The following DNAH11 variants were observed in gnomAD, a reference collection of about 807,000 sequenced individuals.
DNAH11 encodes the protein axonemal beta dynein heavy chain 11.
Under a neutral mutation model 526.0 loss-of-function variants are expected in DNAH11, and 442 were observed. That is an observed-to-expected ratio of 0.84 (90% CI 0.78 to 0.91). The LOEUF is 0.91. Ranked by LOEUF, DNAH11 falls within the 40% of genes least tolerant of loss-of-function variation. The pLI, the probability that DNAH11 is intolerant of heterozygous loss-of-function variation, is 0.00. For missense variants in DNAH11, 6,989 were observed against 5,448.7 expected (o/e 1.28, Z -8.90); for synonymous variants, 2,461 against 1,935.9 (o/e 1.27, Z -7.12).
In DNAH11 at chr7:21,558,782, C is replaced by G. The variant is rs984692538; in HGVS notation, c.496-20C>G. Reference sequence around the variant, plus strand: ...ATGCATTGTCTGTAAATTAATTTAACTATGTTTCTCTTTCTCTAGATTTTA... The same window carrying G: ...ATGCATTGTCTGTAAATTAATTTAAGTATGTTTCTCTTTCTCTAGATTTTA... On this transcript the variant is annotated intron_variant, in intron 2 of 81. Coordinates refer to ENST00000409508, the MANE Select transcript of DNAH11 (RefSeq NM_001277115.2). 2 of 1,536,806 alleles carry G rather than the reference C, an allele frequency of 1.3e-6. No individual in the cohort carries two copies. The highest frequency in any genetic ancestry group is 1.8e-6 in the Non-Finnish European group (2 of 1,141,996).
rs182185747 is a variant in DNAH11 at position 21,652,971 on chromosome 7, G to T, written c.4945-2861G>T. Among the ~76,000 whole-genome samples the T allele has an allele frequency of 8.2e-3, 1,246 of 152,204 alleles. 9 individuals carry two copies. The highest frequency in any genetic ancestry group is 0.028 in the African/African-American group (1,149 of 41,532). ...GGCTCACTGCAACCTCTGCCTCCCA[G>T]GTTCAAGTGATTCTCCAGCCTCAGC... On this transcript the variant is annotated intron_variant, in intron 28 of 81. Transcript: ENST00000409508.
intron 42 of DNAH11, among the ~76,000 whole-genome samples, chr7:21,717,282 A>C (rs1784703568): frequency 1.3e-5 from 2 of 152,110 alleles, no homozygotes. Flanking sequence ...GTTAGCAGCT[A>C]TCAGATTGGA....
At chr7:21,787,699 T>C in intron 60 of DNAH11, 116 bp downstream of exon 60, 1 of 910,400 alleles carries the variant, frequency 1.1e-6, no homozygotes, top group Non-Finnish European at 1.6e-6. Flanking sequence ...AATAAGGATA[T>C]GTAGTTCTAA....
At chr7:21,561,006 G>A in intron 4 of DNAH11, 65 bp from the exon 5 acceptor site, 1 of 1,065,134 alleles carries the variant, frequency 9.4e-7, no homozygotes, top group Non-Finnish European at 1.4e-6. Flanking sequence ...TTTTATTACA[G>A]AATGCATGTA....
chr7:21,733,706 G>A (rs1330125655), intron 45 of DNAH11, among the ~76,000 whole-genome samples: 1 of 152,132 alleles, frequency 6.6e-6, no homozygotes, highest in Non-Finnish European at 1.5e-5. Context: ...TAATATAGTA[G>A]AAGAGAACCA....
chr7:21,700,366 G>T (rs1265998255), intron 36 of DNAH11, among the ~76,000 whole-genome samples: 1 of 152,182 alleles, frequency 6.6e-6, no homozygotes, highest in Non-Finnish European at 1.5e-5. Flanking sequence ...ATGGGTTTGG[G>T]AAAAGAATCA....
At chr7:21,830,546 C>T (rs894614532) in intron 65 of DNAH11, among the ~76,000 whole-genome samples, 4 of 152,222 alleles carry the variant, frequency 2.6e-5, no homozygotes, top group Non-Finnish European at 5.9e-5. Flanking sequence ...TAGGCTGCCA[C>T]TGTCAGAGCA....
intron 79 of DNAH11, among the ~76,000 whole-genome samples, chr7:21,897,734 A>G (rs1434163251): frequency 6.6e-6 from 1 of 152,162 alleles, no homozygotes; most frequent in African/African-American, 2.4e-5. Flanking sequence ...TCCTGCCTTC[A>G]GCCTCCCTAG....
chr7:21,787,637 A>T, intron 60 of DNAH11, 54 bp downstream of exon 60: 1 of 1,452,914 alleles, frequency 6.9e-7, no homozygotes, highest in South Asian at 1.5e-5. Context: ...GGCTGCAAAC[A>T]CATCAATTTC....
At chr7:21,852,422 AAGT>A (rs77121113) in intron 66 of DNAH11, 42 bp from the exon 67 acceptor site, 1 of 1,555,188 alleles carries the variant, frequency 6.4e-7, no homozygotes, top group Middle Eastern at 1.7e-4. Context: ...AAAAAAAAAA[AAGT>A]ACTTAACCAC....
chr7:21,802,788 G>A (rs1034518322), intron 62 of DNAH11, among the ~76,000 whole-genome samples: 3 of 151,886 alleles, frequency 2.0e-5, no homozygotes, highest in East Asian at 1.9e-4. Context: ...TCCAGAACAG[G>A]ATAATTTATA....
chr7:21,827,345 A>G (rs1260121037), intron 65 of DNAH11, among the ~76,000 whole-genome samples: 5 of 152,202 alleles, frequency 3.3e-5, no homozygotes, highest in Admixed American at 1.3e-4. Flanking sequence ...CTTACATATT[A>G]GAGAAGTTGC....
In DNAH11 at chr7:21,654,778, A is replaced by G. The variant is rs117590159; in HGVS notation, c.4945-1054A>G. 1.2e-3 allele frequency among the ~76,000 whole-genome samples: 178 copies of G among 152,248 alleles called. 1 individual carries two copies. In the East Asian group the frequency reaches 0.031, roughly 27 times the overall value. On this transcript the variant is annotated intron_variant, in intron 28 of 81. Coordinates refer to ENST00000409508, the MANE Select transcript of DNAH11 (RefSeq NM_001277115.2). ...CTTTACTCAGTCTACCTCAAGAGAG[A>G]TGATAGAGTAACTTCCCTGATTAAT...
intron 43 of DNAH11, among the ~76,000 whole-genome samples, chr7:21,719,974 C>T (rs1176010721): frequency 6.6e-6 from 1 of 152,248 alleles, no homozygotes. Context: ...AAGGCCTCTG[C>T]AGCAGCCGCA....
chr7:21,726,935 C>CTTTTTTTT lies in DNAH11; in HGVS notation c.7440+960_7440+967dup, dbSNP rs1330445927. Among the ~76,000 whole-genome samples the CTTTTTTTT allele has an allele frequency of 1.9e-4, 6 of 31,990 alleles. 1 individual carries two copies. The highest frequency in any genetic ancestry group is 3.0e-4 in the Non-Finnish European group (6 of 19,762). The allele number at this position is 31,990 out of a possible 152,430, so 21.0% of individuals were successfully genotyped here. A position where few individuals can be genotyped will look rare whatever the true frequency, so the allele number is the denominator to read the frequency against. On this transcript the variant is annotated intron_variant, in intron 45 of 81. Transcript: ENST00000409508. ...CTGTTATATTTCTGCATCCTCTTTT[C>CTTTTTTTT]TTTTTTTTTTTTTTTTGAGATGGAG...
At chr7:21,612,905 G>A (rs866893481) in intron 20 of DNAH11, among the ~76,000 whole-genome samples, 6 of 152,224 alleles carry the variant, frequency 3.9e-5, no homozygotes, top group South Asian at 2.1e-4. Flanking sequence ...AGAAAAAATC[G>A]TATGATTATC....
chr7:21,816,834 T>A (rs1165107589), intron 64 of DNAH11, 132 bp downstream of exon 64: 1 of 719,224 alleles, frequency 1.4e-6, no homozygotes, highest in African/African-American at 1.8e-5. Flanking sequence ...TTTGTTTATC[T>A]GCCTGTTCAT....
At chr7:21,664,946 C>A (rs778494173) in intron 30 of DNAH11, among the ~76,000 whole-genome samples, 1 of 152,100 alleles carries the variant, frequency 6.6e-6, no homozygotes, top group African/African-American at 2.4e-5. Context: ...GCAATTTAAA[C>A]CTCAGCTCCA....
At chr7:21,781,122 A>G (rs1787924438) in intron 57 of DNAH11, among the ~76,000 whole-genome samples, 1 of 152,232 alleles carries the variant, frequency 6.6e-6, no homozygotes, top group African/African-American at 2.4e-5. Context: ...TGTGCTAGAT[A>G]CTATGCTATG....
Sources: allele counts gnomAD v4.1 joint callset (sites outside exome capture counted in the v4.1 genomes callset), GRCh38; gene constraint gnomAD v4.1.1; transcripts MANE v1.5; gene names NCBI Gene and HGNC (gene_info 2026-07-23, HGNC 2026-07-21).